RUNX1: variants seen among roughly 807,000 people sequenced by gnomAD.
RUNX1 encodes RUNX family transcription factor 1.
RUNX1 carries 19 observed loss-of-function variants against 42.8 expected under a neutral mutation model. The ratio of observed to expected loss-of-function variants is 0.44; its 90% CI spans 0.31 to 0.65. The LOEUF is 0.65. Among genes scored for constraint, RUNX1 ranks in the 30% least tolerant of loss-of-function variants. RUNX1 has a pLI of 0.07. For missense variants in RUNX1, 528 were observed against 672.0 expected, an observed-to-expected ratio of 0.79 and a Z score of 2.37; for synonymous variants, 271 against 289.4, an observed-to-expected ratio of 0.94 and a Z score of 0.64.
At chr21:34,824,740 C>G (rs1361873629) in intron 7 of RUNX1, among the ~76,000 whole-genome samples, 1 of 152,158 alleles carries the variant, frequency 6.6e-6, no homozygotes, top group South Asian at 2.1e-4. Flanking sequence ...AGCAAAGACA[C>G]AGGTAATGAA....
At chr21:34,993,762 CAGG>C (rs2058970557) in intron 2 of RUNX1, among the ~76,000 whole-genome samples, 1 of 129,858 alleles carries the variant, frequency 7.7e-6, no homozygotes, top group African/African-American at 4.5e-5. Flanking sequence ...CAGACACACA[CAGG>C]CGCACACACA....
intron 4 of RUNX1, among the ~76,000 whole-genome samples, chr21:34,886,175 C>T (rs577370349): frequency 1.3e-5 from 2 of 152,292 alleles, no homozygotes; most frequent in East Asian, 1.9e-4. Context: ...TCTAGGTGAG[C>T]TGATGATAGC....
At chr21:34,939,133 T>C (rs1033931334) in intron 2 of RUNX1, among the ~76,000 whole-genome samples, 7 of 152,240 alleles carry the variant, frequency 4.6e-5, no homozygotes, top group Admixed American at 1.3e-4. Flanking sequence ...CTGTATCTAA[T>C]AGATGCCTTC....
intron 2 of RUNX1, among the ~76,000 whole-genome samples, chr21:34,950,648 A>G (rs922713607): frequency 1.3e-5 from 2 of 152,180 alleles, no homozygotes; most frequent in African/African-American, 4.8e-5. Context: ...GAGGTAGGAG[A>G]ATCACTTGAA....
At chr21:34,854,584 CA>C (rs1051862406) in intron 6 of RUNX1, among the ~76,000 whole-genome samples, 41 of 123,994 alleles carry the variant, frequency 3.3e-4, no homozygotes, top group East Asian at 2.3e-3. Flanking sequence ...GATTTCACCT[CA>C]AAAAAAAAAG....
chr21:34,865,177 T>A (rs1405250834), intron 5 of RUNX1, among the ~76,000 whole-genome samples: 1 of 151,816 alleles, frequency 6.6e-6, no homozygotes, highest in Non-Finnish European at 1.5e-5. Flanking sequence ...ATTAAAGACA[T>A]GATAAAGGTG....
intron 2 of RUNX1, chr21:35,038,718 T>C (rs566375180): frequency 2.2e-6 from 1 of 452,842 alleles, no homozygotes; most frequent in South Asian, 1.6e-5. Flanking sequence ...GAATCAGGAG[T>C]GATGTGAGCA....
chr21:34,930,090 A>G (rs1328153659), intron 2 of RUNX1, among the ~76,000 whole-genome samples: 1 of 148,242 alleles, frequency 6.7e-6, no homozygotes, highest in Non-Finnish European at 1.5e-5. Flanking sequence ...ATAAAGATAT[A>G]TATTTAAAAA....
At chr21:34,832,161 T>C (rs1304232810) in intron 7 of RUNX1, among the ~76,000 whole-genome samples, 2 of 152,210 alleles carry the variant, frequency 1.3e-5, no homozygotes, top group Non-Finnish European at 2.9e-5. Context: ...AAAGGGGCGA[T>C]GCTTAGTGTT....
intron 2 of RUNX1, among the ~76,000 whole-genome samples, chr21:34,979,990 G>A (rs890475286): frequency 6.6e-6 from 1 of 152,208 alleles, no homozygotes; most frequent in Admixed American, 6.5e-5. Context: ...GGCCGAAAGC[G>A]AGCTACTTGC....
At chr21:34,880,760 A>C (rs2057891804) in intron 4 of RUNX1, 47 bp from the exon 5 acceptor site, 1 of 1,593,540 alleles carries the variant, frequency 6.3e-7, no homozygotes, top group South Asian at 1.1e-5. Flanking sequence ...GATGTTATAC[A>C]TACACTTTTA....
At chr21:34,818,404 G>A (rs890235073) in intron 7 of RUNX1, among the ~76,000 whole-genome samples, 30 of 152,322 alleles carry the variant, frequency 2.0e-4, no homozygotes, top group South Asian at 8.3e-4. Flanking sequence ...GAAAGGGCCC[G>A]AGAGGCAGCT....
At position 34,880,541 on chromosome 21, in the gene RUNX1, T is replaced by C; in HGVS notation, c.508+16A>G. Reference sequence around the variant, plus strand: ...CATGAAACGTGTTTCAAGCATAGTTTTGACAGATAACGTACCTCTTCCACT... The same window carrying C: ...CATGAAACGTGTTTCAAGCATAGTTCTGACAGATAACGTACCTCTTCCACT... On this transcript the variant is annotated intron_variant, in intron 5 of 8. Coordinates refer to ENST00000675419, the MANE Select transcript of RUNX1 (RefSeq NM_001754.5). 6.2e-7 allele frequency: 1 copy of C among 1,613,912 alleles called. No homozygotes were observed. The highest frequency in any genetic ancestry group is 1.1e-5 in the South Asian group (1 of 91,076).
intron 6 of RUNX1, among the ~76,000 whole-genome samples, chr21:34,840,714 G>A (rs1277992914): frequency 6.6e-6 from 1 of 152,172 alleles, no homozygotes; most frequent in Non-Finnish European, 1.5e-5. Context: ...GATCCCACCT[G>A]GCCTGCTCTA....
In RUNX1 at chr21:34,791,848, C is replaced by A; in HGVS notation, c.*287G>T. On this transcript the variant is annotated 3_prime_UTR_variant, in exon 9 of 9. Coordinates refer to ENST00000675419, the MANE Select transcript of RUNX1 (RefSeq NM_001754.5). ...GGGAATCTTCCTGTTTGCTTTCCAGCGCGTCCCCTGGGTGCTGGGGCCGGC... is the reference window on the plus strand; with the variant it reads ...GGGAATCTTCCTGTTTGCTTTCCAGAGCGTCCCCTGGGTGCTGGGGCCGGC... 2 of 244,850 alleles carry A rather than the reference C, an allele frequency of 8.2e-6. No individual in the cohort carries two copies. The highest frequency in any genetic ancestry group is 1.6e-5 in the Non-Finnish European group (2 of 124,954). The allele number at this position is 244,850 out of a possible 1,614,324, so 15.2% of individuals were successfully genotyped here. A position where few individuals can be genotyped will look rare whatever the true frequency, so the allele number is the denominator to read the frequency against.
At chr21:34,820,496 A>G (rs2056893114) in intron 7 of RUNX1, among the ~76,000 whole-genome samples, 1 of 151,958 alleles carries the variant, frequency 6.6e-6, no homozygotes. Flanking sequence ...CTAAAAATAC[A>G]AATATATATA....
chr21:34,859,034 T>C (rs2057533659), intron 6 of RUNX1, among the ~76,000 whole-genome samples: 1 of 152,230 alleles, frequency 6.6e-6, no homozygotes, highest in South Asian at 2.1e-4. Flanking sequence ...TTTTCATCTC[T>C]GGCCCTCATG....
intron 2 of RUNX1, among the ~76,000 whole-genome samples, chr21:34,973,307 T>C (rs2058776069): frequency 6.6e-6 from 1 of 152,216 alleles, no homozygotes; most frequent in Non-Finnish European, 1.5e-5. Context: ...ATAGTTATCA[T>C]GCCAAGGACA....
chr21:34,958,400 G>T lies in RUNX1; in HGVS notation c.59-65437C>A, dbSNP rs2058660344. On this transcript the variant is annotated intron_variant, in intron 2 of 8. Transcript: ENST00000675419. ...AAAAAGTGGGCAAAGGATATGAACA[G>T]ACACTTCTCAAAAGAAGACATTTAT... 2.0e-5 allele frequency among the ~76,000 whole-genome samples: 3 copies of T among 152,138 alleles called. No individual in the cohort carries two copies. In the South Asian group the frequency reaches 6.2e-4, roughly 32 times the overall value.
Sources: allele counts gnomAD v4.1 joint callset (sites outside exome capture counted in the v4.1 genomes callset), GRCh38; gene constraint gnomAD v4.1.1; transcripts MANE v1.5; gene names NCBI Gene and HGNC (gene_info 2026-07-23, HGNC 2026-07-21).